The following ASIC2 variants were observed in gnomAD, a reference collection of about 807,000 sequenced individuals.
ASIC2 encodes the protein acid-sensing ion channel 2.
A neutral mutation model predicts 57.3 loss-of-function variants in ASIC2; 25 were observed. The observed-to-expected ratio is 0.44, with a 90% confidence interval of 0.32 to 0.61. The LOEUF (loss-of-function observed/expected upper bound fraction) is 0.61. Among genes scored for constraint, ASIC2 ranks in the 20% least tolerant of loss-of-function variants. The pLI, the probability that ASIC2 is intolerant of heterozygous loss-of-function variation, is 0.06. For synonymous variants in ASIC2, 319 were observed against 307.5 expected, an observed-to-expected ratio of 1.04 and a Z score of -0.39; for missense variants, 641 against 738.1, an observed-to-expected ratio of 0.87 and a Z score of 1.52.
intron 1 of ASIC2, among the ~76,000 whole-genome samples, chr17:33,161,554 A>C (rs1211128639): frequency 1.3e-5 from 2 of 152,106 alleles, no homozygotes; most frequent in Non-Finnish European, 1.5e-5. Context: ...TCCATTCTCA[A>C]ATATTTTATT....
chr17:33,568,462 G>C (rs755100100), intron 1 of ASIC2, among the ~76,000 whole-genome samples: 6 of 152,002 alleles, frequency 3.9e-5, no homozygotes, highest in Non-Finnish European at 7.4e-5. Context: ...TGCAACTAAG[G>C]GTCTTAAATA....
intron 1 of ASIC2, chr17:33,834,484 G>A (rs573822118): frequency 6.6e-6 from 1 of 152,288 alleles, no homozygotes; most frequent in East Asian, 1.9e-4. Flanking sequence ...TGTGAATCAC[G>A]ACAGATACCA....
chr17:33,701,164 G>A (rs372635963), intron 1 of ASIC2, among the ~76,000 whole-genome samples: 3 of 152,182 alleles, frequency 2.0e-5, no homozygotes, highest in South Asian at 2.1e-4. Context: ...CAAAGAACCC[G>A]GATTCTTCAG....
At chr17:33,191,057 C>T (rs1315439657) in intron 1 of ASIC2, among the ~76,000 whole-genome samples, 2 of 152,076 alleles carry the variant, frequency 1.3e-5, no homozygotes, top group South Asian at 2.1e-4. Context: ...GTAGGAGCCC[C>T]GAACTGGAAA....
At chr17:33,271,848 G>A (rs1904505260) in intron 1 of ASIC2, among the ~76,000 whole-genome samples, 1 of 152,186 alleles carries the variant, frequency 6.6e-6, no homozygotes, top group Non-Finnish European at 1.5e-5. Context: ...GCCCTCCAGT[G>A]GCTTCTCACT....
chr17:33,287,460 C>T (rs954170919), intron 1 of ASIC2, among the ~76,000 whole-genome samples: 1 of 152,214 alleles, frequency 6.6e-6, no homozygotes, highest in African/African-American at 2.4e-5. Context: ...GCATCCCACC[C>T]AATTACTGGG....
At chr17:34,102,495 A>C (rs1002557853) in intron 1 of ASIC2, among the ~76,000 whole-genome samples, 1 of 152,110 alleles carries the variant, frequency 6.6e-6, no homozygotes, top group Admixed American at 6.5e-5. Context: ...ACACCCCAGA[A>C]AACCATCATT....
At chr17:34,128,072 C>T (rs904256888) in intron 1 of ASIC2, among the ~76,000 whole-genome samples, 10 of 152,190 alleles carry the variant, frequency 6.6e-5, no homozygotes, top group Non-Finnish European at 1.5e-4. Context: ...TGCCTAACAC[C>T]TTGTACAATC....
chr17:33,862,590 C>T (rs1914126580), intron 1 of ASIC2, among the ~76,000 whole-genome samples: 1 of 152,176 alleles, frequency 6.6e-6, no homozygotes, highest in African/African-American at 2.4e-5. Flanking sequence ...TCAATGGCAG[C>T]AGTATCCATA....
intron 1 of ASIC2, among the ~76,000 whole-genome samples, chr17:33,629,248 CT>C (rs965966866): frequency 2.2e-5 from 3 of 137,722 alleles, no homozygotes; most frequent in African/African-American, 7.9e-5. Flanking sequence ...TTTTCTTCCA[CT>C]TTTCAGTTTG....
At chr17:33,100,898 A>G (rs2092209610) in intron 2 of ASIC2, among the ~76,000 whole-genome samples, 1 of 152,240 alleles carries the variant, frequency 6.6e-6, no homozygotes, top group Non-Finnish European at 1.5e-5. Flanking sequence ...CACACTTAGC[A>G]TGTGCATTAC....
At chr17:33,860,213 G>A (rs1316031113) in intron 1 of ASIC2, among the ~76,000 whole-genome samples, 2 of 152,178 alleles carry the variant, frequency 1.3e-5, no homozygotes, top group Admixed American at 1.3e-4. Context: ...CATAATTCTT[G>A]CTCAATAAAT....
intron 1 of ASIC2, among the ~76,000 whole-genome samples, chr17:33,776,374 C>A (rs1457158005): frequency 1.3e-5 from 2 of 152,210 alleles, no homozygotes; most frequent in Non-Finnish European, 2.9e-5. Context: ...AGCCAGGAAG[C>A]AGGCTTTCAC....
chr17:33,817,959 C>T (rs1365759509), intron 1 of ASIC2, among the ~76,000 whole-genome samples: 1 of 152,130 alleles, frequency 6.6e-6, no homozygotes, highest in Non-Finnish European at 1.5e-5. Flanking sequence ...CACATGGTTT[C>T]GGGGTACCAC....
At chr17:33,406,749 C>T (rs1301814149) in intron 1 of ASIC2, among the ~76,000 whole-genome samples, 1 of 152,236 alleles carries the variant, frequency 6.6e-6, no homozygotes, top group East Asian at 1.9e-4. Context: ...CTTATTAAGA[C>T]CATGGAATCC....
At chr17:33,347,195 C>A (rs1249051563) in intron 1 of ASIC2, among the ~76,000 whole-genome samples, 1 of 152,122 alleles carries the variant, frequency 6.6e-6, no homozygotes, top group Admixed American at 6.5e-5. Context: ...AGTGGGGACA[C>A]TTCATTCATA....
intron 1 of ASIC2, among the ~76,000 whole-genome samples, chr17:33,807,159 C>A (rs954659081): frequency 9.9e-5 from 15 of 152,202 alleles, no homozygotes; most frequent in African/African-American, 3.4e-4. Flanking sequence ...ACACCAGGCA[C>A]CCCACTTGAG....
chr17:34,059,519 G>A (rs1345103616), intron 1 of ASIC2, among the ~76,000 whole-genome samples: 1 of 152,184 alleles, frequency 6.6e-6, no homozygotes, highest in Non-Finnish European at 1.5e-5. Context: ...GGCGCAAATT[G>A]GGCGTGCAGA....
rs1904871287 is a variant in ASIC2, at chr17:33,153,201, G to A, written c.709-41134C>T. Among the ~76,000 whole-genome samples, 3 of 152,258 alleles carry A rather than the reference G, an allele frequency of 2.0e-5. No individual in the cohort carries two copies. In the South Asian group the frequency reaches 6.2e-4, roughly 31 times the overall value. On this transcript the variant is annotated intron_variant, in intron 1 of 9. Transcript: ENST00000225823. ...GATCCCATAGCCAGGTGGGGGTAGAGCCAGCATGGGCACCCAGGGCCCCCA... is the reference window on the plus strand; with the variant it reads ...GATCCCATAGCCAGGTGGGGGTAGAACCAGCATGGGCACCCAGGGCCCCCA...
Sources: allele counts gnomAD v4.1 joint callset (sites outside exome capture counted in the v4.1 genomes callset), GRCh38; gene constraint gnomAD v4.1.1; transcripts MANE v1.5; gene names NCBI Gene and HGNC (gene_info 2026-07-23, HGNC 2026-07-21).